Variants in POLR3A observed in about 807,000 individuals in gnomAD.
The protein encoded by POLR3A is DNA-directed RNA polymerase III subunit RPC1.
A neutral mutation model predicts 152.8 loss-of-function variants in POLR3A; 112 were observed. The ratio of observed to expected loss-of-function variants is 0.73; its 90% CI spans 0.63 to 0.86. The LOEUF is 0.86. Ranked by LOEUF, POLR3A falls within the 40% of genes least tolerant of loss-of-function variation. The pLI, the probability that POLR3A is intolerant of heterozygous loss-of-function variation, is 0.00. For missense variants in POLR3A, 1,385 were observed against 1,743.1 expected (o/e 0.79, Z 3.66); for synonymous variants, 615 against 652.1 (o/e 0.94, Z 0.87).
Position 77,984,205 on chromosome 10 carries a change from C to G in POLR3A, c.3336G>C (p.Glu1112Asp). The G allele has an allele frequency of 6.3e-7, 1 of 1,590,098 alleles. No homozygotes were observed. The highest frequency in any genetic ancestry group is 8.6e-7 in the Non-Finnish European group (1 of 1,158,304). The stretch of plus-strand genomic sequence containing the variant: ...GTTATCAATAGGGATTTCTTCTTAC[C>G]TCTCCCAAGAGGGTTTTCTCAATTC... ...KGRIEKTLLGEISEYIEEVFL... is the reference protein window; with the variant it reads ...KGRIEKTLLGDISEYIEEVFL... The change falls in exon 25 of 31, where the codon GAG becomes GAC. Residue 1112 changes from glutamate (E) to aspartate (D), a missense_variant and splice_region_variant. By Grantham distance (45) the Glu-to-Asp change is conservative (BLOSUM62 2). Around this residue, in one of 7 missense-constraint regions of POLR3A, gnomAD observed 332 missense variants for 400.1 expected, o/e 0.83. Transcript: ENST00000372371.
In POLR3A at chr10:77,981,465, C is replaced by T. The variant is rs1373320157; in HGVS notation, c.3854G>A (p.Arg1285Lys). The T allele has an allele frequency of 6.2e-7, 1 of 1,614,062 alleles. No individual in the cohort carries two copies. The highest frequency in any genetic ancestry group is 1.7e-5 in the Admixed American group (1 of 60,018). ...GAGGTCGGAGAGCAGCATCACGTGC[C>T]TCCTGTCGATGCTCATGCCGTGGTT... is the stretch of plus-strand genomic sequence containing the variant. Reference protein sequence around the residue: ...MVNHGMSIDRRHVMLLSDLMT... With the variant: ...MVNHGMSIDRKHVMLLSDLMT... Residue 1285 changes from arginine to lysine, a missense_variant, in exon 29 of 31, where the codon AGG becomes AAG. Coordinates refer to ENST00000372371, the MANE Select transcript of POLR3A (RefSeq NM_007055.4).
intron 1 of POLR3A, among the ~76,000 whole-genome samples, chr10:78,029,126 T>G: frequency 6.6e-6 from 1 of 152,122 alleles, no homozygotes; most frequent in Non-Finnish European, 1.5e-5. Flanking sequence ...TCATTAAGGC[T>G]CAGGCCACTC....
At chr10:77,980,025 C>T in intron 30 of POLR3A, 116 bp downstream of exon 30, 1 of 944,074 alleles carries the variant, frequency 1.1e-6, no homozygotes, top group Non-Finnish European at 1.7e-6. Flanking sequence ...TGACATTATT[C>T]TTGAAAAAAT....
intron 11 of POLR3A, among the ~76,000 whole-genome samples, chr10:78,012,655 C>T (rs558247198): frequency 6.6e-6 from 1 of 151,954 alleles, no homozygotes; most frequent in African/African-American, 2.4e-5. Context: ...TCCTACACAG[C>T]CGGTGCCATG....
intron 20 of POLR3A, among the ~76,000 whole-genome samples, chr10:77,992,208 C>T (rs1847255652): frequency 6.6e-6 from 1 of 152,080 alleles, no homozygotes; most frequent in African/African-American, 2.4e-5. Context: ...CAAACAAAGC[C>T]CTCTTCTGTT....
At position 77,984,022 on chromosome 10, in the gene POLR3A, C is replaced by T. The variant is rs1469424412; in HGVS notation, c.3337-10G>A. Reference sequence around the variant, plus strand: ...CAATATACTCGGAAATCTGGAGTGTCAAAAGATCAGACTGTTAATCAGCCG... The same window carrying T: ...CAATATACTCGGAAATCTGGAGTGTTAAAAGATCAGACTGTTAATCAGCCG... On this transcript the variant is annotated splice_polypyrimidine_tract_variant and intron_variant, in intron 25 of 30. Coordinates refer to ENST00000372371, the MANE Select transcript of POLR3A (RefSeq NM_007055.4). 6.3e-7 allele frequency: 1 copy of T among 1,575,814 alleles called. No individual in the cohort carries two copies. The highest frequency in any genetic ancestry group is 8.7e-7 in the Non-Finnish European group (1 of 1,145,860).
Position 78,022,328 on chromosome 10 carries a change from A to G in POLR3A, c.702T>C (p.Asp234=). 1.2e-6 allele frequency: 2 copies of G among 1,614,136 alleles called. No homozygotes were observed. The highest frequency in any genetic ancestry group is 1.7e-6 in the Non-Finnish European group (2 of 1,179,958). ...LNLFKRIPAE[D]VPLLLMNPEA... is the part of the protein sequence containing the mutation. ...CTGGGTTCATCAGAAGTAGAGGAACATCTTCAGCTGGGATTCGTTTAAATA... is the reference window on the plus strand; with the variant it reads ...CTGGGTTCATCAGAAGTAGAGGAACGTCTTCAGCTGGGATTCGTTTAAATA... Residue 234 remains aspartate, a synonymous_variant, in exon 6 of 31, where the codon GAT becomes GAC. Transcript: ENST00000372371.
chr10:77,992,438 CTTTTTT>C (rs71030926), intron 20 of POLR3A, among the ~76,000 whole-genome samples: 2 of 76,540 alleles, frequency 2.6e-5, no homozygotes, highest in Admixed American at 1.7e-4. Flanking sequence ...CTGGCTAATT[CTTTTTT>C]TTTTTTTTTT....
At chr10:78,019,760 A>T (rs1453197361) in intron 8 of POLR3A, 1 of 180,568 alleles carries the variant, frequency 5.5e-6, no homozygotes, top group African/African-American at 2.4e-5. Flanking sequence ...CTGAGGACAC[A>T]CAACACAAGC....
chr10:78,000,623 A>G (rs1033436243), intron 18 of POLR3A, among the ~76,000 whole-genome samples: 1 of 152,262 alleles, frequency 6.6e-6, no homozygotes, highest in Non-Finnish European at 1.5e-5. Context: ...CAGTCACTGA[A>G]CTGTGTGCCT....
At chr10:78,017,291 C>A (rs950477422) in intron 10 of POLR3A, among the ~76,000 whole-genome samples, 5 of 151,818 alleles carry the variant, frequency 3.3e-5, no homozygotes, top group African/African-American at 1.2e-4. Flanking sequence ...AACAAAAAAA[C>A]CCCAAATTAG....
At chr10:77,984,095 T>A in intron 25 of POLR3A, 83 bp from the exon 26 acceptor site, 1 of 1,257,122 alleles carries the variant, frequency 8.0e-7, no homozygotes, top group Non-Finnish European at 1.2e-6. Flanking sequence ...TTTGAAGAGC[T>A]TGAGTAGTGT....
intron 30 of POLR3A, among the ~76,000 whole-genome samples, chr10:77,979,870 C>T (rs111713910): frequency 6.6e-6 from 1 of 152,206 alleles, no homozygotes; most frequent in Non-Finnish European, 1.5e-5. Flanking sequence ...AAAATTCTTA[C>T]ATGCCCAGGG....
chr10:78,029,335 G>C, intron 1 of POLR3A, 29 bp downstream of exon 1: 1 of 1,613,202 alleles, frequency 6.2e-7, no homozygotes, highest in Non-Finnish European at 8.5e-7. Flanking sequence ...CTATTTCTCA[G>C]CCCTTTGGCC....
intron 19 of POLR3A, among the ~76,000 whole-genome samples, chr10:77,994,129 G>C (rs1358295768): frequency 6.6e-6 from 1 of 152,152 alleles, no homozygotes; most frequent in Admixed American, 6.5e-5. Context: ...AGTCTATTGG[G>C]TTTCTGACAA....
intron 18 of POLR3A, among the ~76,000 whole-genome samples, chr10:78,000,583 G>C (rs1370880768): frequency 1.3e-5 from 2 of 152,262 alleles, no homozygotes; most frequent in Non-Finnish European, 2.9e-5. Flanking sequence ...AAAGTAGGTT[G>C]TAGTGATGGC....
At chr10:77,978,784 C>T (rs1847113072) in intron 30 of POLR3A, among the ~76,000 whole-genome samples, 2 of 151,894 alleles carry the variant, frequency 1.3e-5, no homozygotes, top group Admixed American at 1.3e-4. Context: ...CCTCAGCCTC[C>T]CGAGTAGCTG....
chr10:78,026,890 C>T (rs568622585), intron 1 of POLR3A, among the ~76,000 whole-genome samples: 44 of 152,250 alleles, frequency 2.9e-4, no homozygotes, highest in African/African-American at 9.9e-4. Context: ...GAAAACAGAC[C>T]TCAATACTTT....
Position 78,024,594 on chromosome 10 carries a change from G to A in POLR3A, c.600C>T (p.Ala200=). 1 of 1,613,914 alleles carries A rather than the reference G, an allele frequency of 6.2e-7. No individual in the cohort carries two copies. Among genetic ancestry groups the A allele is most frequent in the African/African-American group, 1.3e-5 (1 of 74,986 alleles). Residue 200 remains alanine (A), a synonymous_variant, in exon 5 of 31, where the codon GCC becomes GCT. Transcript: ENST00000372371. The part of the protein sequence containing the change: ...VSNFLQSFET[A]IEHNKEVEPL... Reference sequence around the variant, plus strand: ...GCTCCACTTCTTTATTATGTTCAATGGCTGTTTCAAAAGACTGAAGGAAAT... The same window carrying A: ...GCTCCACTTCTTTATTATGTTCAATAGCTGTTTCAAAAGACTGAAGGAAAT...
Sources: gnomAD v4.1 joint callset for allele counts (sites outside exome capture counted in the v4.1 genomes callset) on GRCh38, gnomAD v4.1.1 for gene constraint, gnomAD v4.1.1 regional missense constraint, MANE v1.5 for transcripts, NCBI Gene and HGNC (gene_info 2026-07-23, HGNC 2026-07-21) for gene names.